Variants in NEIL3 observed in about 807,000 individuals in gnomAD.
NEIL3 encodes nei like DNA glycosylase 3, also known as endonuclease 8-like 3.
A neutral mutation model predicts 57.5 loss-of-function variants in NEIL3; 48 were observed. That is an observed-to-expected ratio of 0.83 (90% confidence interval 0.66 to 1.06). NEIL3 has a LOEUF of 1.06. NEIL3 is among the 50% of genes least tolerant of loss of function. NEIL3 has a pLI of 0.00. For synonymous variants in NEIL3, 261 were observed against 253.2 expected (o/e 1.03, Z -0.29); for missense variants, 717 against 739.1 (o/e 0.97, Z 0.35).
chr4:177,334,957 G>C (rs1444234821), intron 2 of NEIL3, among the ~76,000 whole-genome samples: 3 of 152,098 alleles, frequency 2.0e-5, no homozygotes, highest in African/African-American at 4.8e-5. Flanking sequence ...AAATCTGAAA[G>C]GTTACGAATT....
At chr4:177,323,811 T>C (rs1178380813) in intron 2 of NEIL3, among the ~76,000 whole-genome samples, 2 of 152,122 alleles carry the variant, frequency 1.3e-5, no homozygotes, top group East Asian at 1.9e-4. Flanking sequence ...TATCAAGTGC[T>C]CTCCACCAGA....
downstream of NEIL3, among the ~76,000 whole-genome samples, chr4:177,366,135 CT>C (rs562079377): frequency 5.3e-5 from 8 of 152,274 alleles, no homozygotes; most frequent in East Asian, 1.5e-3. Context: ...TTGCAAATAT[CT>C]AAAGGAATAT....
chr4:177,325,972 A>AT, intron 2 of NEIL3, among the ~76,000 whole-genome samples: 1 of 152,044 alleles, frequency 6.6e-6, no homozygotes, highest in Non-Finnish European at 1.5e-5. Context: ...TTTTGCAAGT[A>AT]TTTTCTCCCA....
intron 2 of NEIL3, among the ~76,000 whole-genome samples, chr4:177,324,989 G>GA (rs905459680): frequency 8.8e-6 from 1 of 113,948 alleles, no homozygotes; most frequent in African/African-American, 3.6e-5. Context: ...AGATAGATAA[G>GA]TAAATATATT....
At chr4:177,365,566 TTACTC>T (rs1735683250), downstream of NEIL3, among the ~76,000 whole-genome samples, 1 of 152,136 alleles carries the variant, frequency 6.6e-6, no homozygotes. Flanking sequence ...GAAAAAAAAT[TTACTC>T]TGACTGCAGT....
intron 5 of NEIL3, among the ~76,000 whole-genome samples, chr4:177,341,104 C>A (rs1476836208): frequency 1.3e-5 from 2 of 152,034 alleles, no homozygotes; most frequent in Non-Finnish European, 2.9e-5. Flanking sequence ...AGATTTCAAG[C>A]TAATCTAGCC....
intron 1 of NEIL3, among the ~76,000 whole-genome samples, chr4:177,312,377 C>T (rs933949206): frequency 6.6e-6 from 1 of 152,118 alleles, no homozygotes; most frequent in Non-Finnish European, 1.5e-5. Flanking sequence ...TAGCATACAA[C>T]GGTAAGAACA....
chr4:177,322,881 C>T (rs867633384), intron 2 of NEIL3, among the ~76,000 whole-genome samples: 3 of 152,132 alleles, frequency 2.0e-5, no homozygotes, highest in South Asian at 2.1e-4. Context: ...TTGTTTTTAC[C>T]GAATGCTTAT....
intron 8 of NEIL3, chr4:177,357,029 T>G (rs1420427775): frequency 6.6e-6 from 1 of 152,224 alleles, no homozygotes; most frequent in Non-Finnish European, 1.5e-5. Flanking sequence ...AGATCTGTCT[T>G]TAATCACCAG....
rs35468753 is a variant in NEIL3, at chr4:177,324,300, A to G, written c.278+1720A>G. On this transcript the variant is annotated intron_variant, in intron 2 of 9. Coordinates refer to ENST00000264596, the MANE Select transcript of NEIL3 (RefSeq NM_018248.3). Reference sequence around the variant, plus strand: ...GGAAACACTTTCAAAGGTTGCTCACAGTTTTCCCTTGATACCCAACTTTTC... The same window carrying G: ...GGAAACACTTTCAAAGGTTGCTCACGGTTTTCCCTTGATACCCAACTTTTC... Among the ~76,000 whole-genome samples the G allele has an allele frequency of 7.2e-3, 1,101 of 152,246 alleles. 12 individuals are homozygous for G. The highest frequency in any genetic ancestry group is 0.025 in the African/African-American group (1,040 of 41,556).
chr4:177,368,105 A>G, the NEIL3 span, among the ~76,000 whole-genome samples: 1 of 152,200 alleles, frequency 6.6e-6, no homozygotes, highest in African/African-American at 2.4e-5. Context: ...CCAGAATTGC[A>G]TGTCTTTAAT....
rs1047198675 is a variant in NEIL3 at position 177,313,655 on chromosome 4, A to G, written c.156+3546A>G. On this transcript the variant is annotated intron_variant, in intron 1 of 9. Transcript: ENST00000264596. ...CATATTTAATCTGCATGTGTTTTCA[A>G]TCTCACAAAACAGGATATGAAACAG... Among the ~76,000 whole-genome samples, 12 of 152,184 alleles carry G rather than the reference A, an allele frequency of 7.9e-5. 1 individual carries two copies. The highest frequency in any genetic ancestry group is 2.4e-4 in the African/African-American group (10 of 41,442).
At chr4:177,338,024 T>A (rs10018420) in intron 4 of NEIL3, among the ~76,000 whole-genome samples, 28,282 of 149,316 alleles carry the variant, frequency 0.19, 2,936 homozygotes, top group East Asian at 0.3. Context: ...TCTCTCTCTC[T>A]CACACACACA....
chr4:177,369,939 T>A, the NEIL3 span, among the ~76,000 whole-genome samples: 1 of 152,336 alleles, frequency 6.6e-6, no homozygotes, highest in South Asian at 2.1e-4. Flanking sequence ...TACTGTTATG[T>A]GTCACAACTA....
downstream of NEIL3, among the ~76,000 whole-genome samples, chr4:177,364,246 C>T (rs569203694): frequency 1.8e-4 from 27 of 152,282 alleles, no homozygotes; most frequent in Non-Finnish European, 3.2e-4. Flanking sequence ...TCCAGCTGAA[C>T]CCAACCTCCC....
At chr4:177,325,066 C>T (rs775664856) in intron 2 of NEIL3, among the ~76,000 whole-genome samples, 7 of 152,068 alleles carry the variant, frequency 4.6e-5, no homozygotes, top group Non-Finnish European at 7.4e-5. Flanking sequence ...GTTATATGTG[C>T]TCAGAGACCA....
In NEIL3 at chr4:177,362,929, C is replaced by A. The variant is rs1735639368; in HGVS notation, c.*458C>A. 6.6e-6 allele frequency: 1 copy of A among 152,162 alleles called. No individual in the cohort carries two copies. The highest frequency in any genetic ancestry group is 1.9e-4 in the East Asian group (1 of 5,188). The allele number at this position is 152,162 out of a possible 1,614,324, so 9.4% of individuals were successfully genotyped here. On this transcript the variant is annotated 3_prime_UTR_variant, in exon 10 of 10. Coordinates refer to ENST00000264596, the MANE Select transcript of NEIL3 (RefSeq NM_018248.3). ...TTTATTAAATAATAAGAAATAAGAT[C>A]TCCTTTATGAACAAGTCTATTTTTA... is the stretch of plus-strand genomic sequence containing the variant.
intron 2 of NEIL3, among the ~76,000 whole-genome samples, chr4:177,325,065 G>T (rs1000874871): frequency 6.6e-6 from 1 of 152,062 alleles, no homozygotes; most frequent in African/African-American, 2.4e-5. Context: ...AGTTATATGT[G>T]CTCAGAGACC....
At chr4:177,336,838 A>G (rs1459776788) in intron 4 of NEIL3, among the ~76,000 whole-genome samples, 2 of 152,294 alleles carry the variant, frequency 1.3e-5, no homozygotes, top group East Asian at 3.9e-4. Flanking sequence ...ACGCTTGTGT[A>G]TTCCTGATTA....
Sources: gnomAD v4.1 joint callset for allele counts (sites outside exome capture counted in the v4.1 genomes callset) on GRCh38, gnomAD v4.1.1 for gene constraint, MANE v1.5 for transcripts, NCBI Gene and HGNC (gene_info 2026-07-23, HGNC 2026-07-21) for gene names.